The following TMEM132D variants were observed in gnomAD, a reference collection of about 807,000 sequenced individuals.
The protein encoded by TMEM132D is mature OL transmembrane protein.
Under a neutral mutation model 62.3 loss-of-function variants are expected in TMEM132D, and 21 were observed. The ratio of observed to expected loss-of-function variants is 0.34; its 90% CI spans 0.24 to 0.49. TMEM132D has a LOEUF of 0.49. TMEM132D is among the 20% of genes least tolerant of loss of function. The probability of loss-of-function intolerance (pLI) is 0.99; values close to 1 mark genes in which losing one functional copy is unlikely to be tolerated. For missense variants in TMEM132D, 1,346 were observed against 1,402.8 expected (o/e 0.96, Z 0.65); for synonymous variants, 621 against 575.6 (o/e 1.08, Z -1.13).
In TMEM132D at chr12:129,819,230, C is replaced by CAA. The variant is rs1243689524; in HGVS notation, c.79+84030_79+84031insTT. On this transcript the variant is annotated intron_variant, in intron 1 of 8. Coordinates refer to ENST00000422113, the MANE Select transcript of TMEM132D (RefSeq NM_133448.3). Reference sequence around the variant, plus strand: ...AATTTGTTCATCCCTTCTACCTACCCCACAGTGCCAAGCACTGCACTTTGA... The same window carrying CAA: ...AATTTGTTCATCCCTTCTACCTACCCAACACAGTGCCAAGCACTGCACTTTGA... Among the ~76,000 whole-genome samples the CAA allele has an allele frequency of 3.0e-4, 45 of 152,040 alleles. 1 individual carries two copies. The highest frequency in any genetic ancestry group is 1.2e-3 in the South Asian group (6 of 4,816).
rs1872686008 is a variant in TMEM132D, at chr12:129,827,227, C to T, written c.79+76034G>A. Among the ~76,000 whole-genome samples, 1 of 152,166 alleles carries T rather than the reference C, an allele frequency of 6.6e-6. No individual in the cohort carries two copies. The highest frequency in any genetic ancestry group is 1.5e-5 in the Non-Finnish European group (1 of 68,042). On this transcript the variant is annotated intron_variant, in intron 1 of 8. Transcript: ENST00000422113. This position sits in a 1 kb window ranked among gnomAD's most constrained non-coding sequence, Gnocchi z 9.7. ...TTTAAATTCTTAAGGCTGTCTTATG[C>T]AATGAGTGCTATGATTATTCCCATT...
intron 2 of TMEM132D, among the ~76,000 whole-genome samples, chr12:129,591,653 G>A (rs1878194281): frequency 6.6e-6 from 1 of 150,978 alleles, no homozygotes; most frequent in African/African-American, 2.4e-5. Context: ...TACAGTGATA[G>A]CAAAAAATAA....
intron 1 of TMEM132D, among the ~76,000 whole-genome samples, chr12:129,821,208 TTA>T (rs1491155320): frequency 6.6e-6 from 1 of 152,170 alleles, no homozygotes; most frequent in East Asian, 1.9e-4. Context: ...ACCGCAGGAC[TTA>T]GATTATTTGA....
chr12:129,328,784 T>C (rs941891956), intron 4 of TMEM132D, among the ~76,000 whole-genome samples: 2 of 152,068 alleles, frequency 1.3e-5, no homozygotes, highest in Admixed American at 1.3e-4. Context: ...GTGAGAGGGA[T>C]GGAGTGGACT....
At chr12:129,257,966 C>G (rs1445890057) in intron 4 of TMEM132D, among the ~76,000 whole-genome samples, 1 of 152,088 alleles carries the variant, frequency 6.6e-6, no homozygotes, top group Non-Finnish European at 1.5e-5. Flanking sequence ...TCACAGAAGC[C>G]TTTTTTGCTC....
At chr12:129,565,350 G>T (rs556265320) in intron 2 of TMEM132D, among the ~76,000 whole-genome samples, 1 of 152,314 alleles carries the variant, frequency 6.6e-6, no homozygotes, top group African/African-American at 2.4e-5. Context: ...TAAAGAAAGA[G>T]TTTGACCCAA....
intron 1 of TMEM132D, among the ~76,000 whole-genome samples, chr12:129,759,521 T>C (rs1359191661): frequency 2.0e-5 from 3 of 152,352 alleles, no homozygotes; most frequent in East Asian, 3.9e-4. Flanking sequence ...GTTCGTTCAC[T>C]GCTCAAGCTT....
chr12:129,362,400 T>C (rs1390262820), intron 3 of TMEM132D, among the ~76,000 whole-genome samples: 1 of 151,570 alleles, frequency 6.6e-6, no homozygotes, highest in East Asian at 2.0e-4. Context: ...GAAGTCCTCT[T>C]GGAGCAGCCC....
At chr12:129,789,166 C>T (rs1052518572) in intron 1 of TMEM132D, among the ~76,000 whole-genome samples, 1 of 152,058 alleles carries the variant, frequency 6.6e-6, no homozygotes, top group Non-Finnish European at 1.5e-5. Flanking sequence ...ACCCATCACC[C>T]GAGCAGTGTT....
In TMEM132D at chr12:129,311,154, C is replaced by T. The variant is rs531853528; in HGVS notation, c.1299+26480G>A. Among the ~76,000 whole-genome samples, 8 of 79,654 alleles carry T rather than the reference C, an allele frequency of 1.0e-4. No individual in the cohort carries two copies. In the South Asian group the frequency reaches 3.9e-3, roughly 39 times the overall value. 52.3% of individuals were successfully genotyped at this position (79,654 alleles called of 152,430 possible). A position where few individuals can be genotyped will look rare whatever the true frequency, so the allele number is the denominator to read the frequency against. ...CGGAGCTTGCAGTGAGCCGAGATCGCGCCACTGCACTCCAGCCTGGGCGAC... is the reference window on the plus strand; with the variant it reads ...CGGAGCTTGCAGTGAGCCGAGATCGTGCCACTGCACTCCAGCCTGGGCGAC... On this transcript the variant is annotated intron_variant, in intron 4 of 8. Coordinates refer to ENST00000422113, the MANE Select transcript of TMEM132D (RefSeq NM_133448.3).
intron 2 of TMEM132D, among the ~76,000 whole-genome samples, chr12:129,613,156 T>C (rs370928781): frequency 6.6e-6 from 1 of 152,244 alleles, no homozygotes; most frequent in South Asian, 2.1e-4. Flanking sequence ...TTAGACACAT[T>C]TCAGGAAACA....
chr12:129,206,540 T>C (rs1487856532), intron 5 of TMEM132D, among the ~76,000 whole-genome samples: 1 of 152,186 alleles, frequency 6.6e-6, no homozygotes, highest in Non-Finnish European at 1.5e-5. Context: ...GGAAAGCAGT[T>C]TGGTGATTCC....
At chr12:129,873,410 CAATT>C (rs1566015630) in intron 1 of TMEM132D, among the ~76,000 whole-genome samples, 2 of 152,236 alleles carry the variant, frequency 1.3e-5, no homozygotes, top group African/African-American at 4.8e-5. Context: ...GAAATGAAGA[CAATT>C]AAAAGAGAAC....
intron 1 of TMEM132D, among the ~76,000 whole-genome samples, chr12:129,891,839 CAAATT>C (rs759126198): frequency 6.6e-6 from 1 of 151,988 alleles, no homozygotes; most frequent in Non-Finnish European, 1.5e-5. Flanking sequence ...AAGTTGAAAA[CAAATT>C]ATAGGTACCA....
At chr12:129,450,373 T>A (rs2135725986) in intron 3 of TMEM132D, among the ~76,000 whole-genome samples, 1 of 152,324 alleles carries the variant, frequency 6.6e-6, no homozygotes, top group Admixed American at 6.5e-5. Context: ...CTTGAGTGAA[T>A]TTTTGTACAG....
At chr12:129,122,339 A>G (rs1876091627) in intron 5 of TMEM132D, among the ~76,000 whole-genome samples, 1 of 152,220 alleles carries the variant, frequency 6.6e-6, no homozygotes, top group South Asian at 2.1e-4. Context: ...GTGGCTTAAC[A>G]GAGTTTTTCT....
chr12:129,569,569 G>A (rs1053064479), intron 2 of TMEM132D, among the ~76,000 whole-genome samples: 4 of 152,134 alleles, frequency 2.6e-5, no homozygotes, highest in Non-Finnish European at 5.9e-5. Context: ...AGACATTTTA[G>A]GATTCAAAGG....
At chr12:129,863,866 A>G (rs149404514) in intron 1 of TMEM132D, among the ~76,000 whole-genome samples, 16 of 152,340 alleles carry the variant, frequency 1.1e-4, no homozygotes, top group Admixed American at 3.9e-4. Context: ...AAGAACTAAT[A>G]TAGCCTCATC....
chr12:129,311,925 G>T (rs903673701), intron 4 of TMEM132D, among the ~76,000 whole-genome samples: 9 of 152,034 alleles, frequency 5.9e-5, no homozygotes, highest in Non-Finnish European at 8.8e-5. Flanking sequence ...GAAATGAAGG[G>T]GTCCTTGGGC....
Sources: allele counts gnomAD v4.1 joint callset (sites outside exome capture counted in the v4.1 genomes callset), GRCh38; gene constraint gnomAD v4.1.1; non-coding constraint Gnocchi (gnomAD v3.1); transcripts MANE v1.5; gene names NCBI Gene and HGNC (gene_info 2026-07-23, HGNC 2026-07-21).